ERC1: variants seen among roughly 807,000 people sequenced by gnomAD.
ERC1 encodes ELKS/RAB6-interacting/CAST family member 1.
A neutral mutation model predicts 132.0 loss-of-function variants in ERC1; 56 were observed. That is an observed-to-expected ratio of 0.42 (90% CI 0.34 to 0.53). ERC1 has a LOEUF of 0.53. ERC1 is among the 20% of genes least tolerant of loss of function. The pLI is 0.03. For synonymous variants in ERC1, 478 were observed against 476.1 expected (o/e 1.00, Z -0.05); for missense variants, 1,202 against 1,349.9 (o/e 0.89, Z 1.72).
Position 1,394,269 on chromosome 12 carries a change from G to A in ERC1, c.2926-13880G>A, listed in dbSNP as rs577721427. Among the ~76,000 whole-genome samples, 519 of 149,924 alleles carry A rather than the reference G, an allele frequency of 3.5e-3. 4 individuals carry two copies. The highest frequency in any genetic ancestry group is 0.011 in the African/African-American group (454 of 40,672). Reference sequence around the variant, plus strand: ...CAAAAAATTAGCCAGGCGTGGTGGCGGGCTCCTGTAGTCCCAGCTACTGGG... The same window carrying A: ...CAAAAAATTAGCCAGGCGTGGTGGCAGGCTCCTGTAGTCCCAGCTACTGGG... On this transcript the variant is annotated intron_variant, in intron 16 of 18. Transcript: ENST00000360905.
chr12:1,348,334 T>C (rs2084675697), intron 15 of ERC1, among the ~76,000 whole-genome samples: 1 of 152,216 alleles, frequency 6.6e-6, no homozygotes, highest in Admixed American at 6.5e-5. Flanking sequence ...TTAGGAAACT[T>C]AGTGAACCAT....
intron 3 of ERC1, among the ~76,000 whole-genome samples, chr12:1,102,706 G>T (rs574122617): frequency 6.6e-6 from 1 of 152,160 alleles, no homozygotes; most frequent in Non-Finnish European, 1.5e-5. Flanking sequence ...TTTGTGGAGC[G>T]TACATTCTCG....
chr12:1,306,321 G>A (rs1345177001), intron 15 of ERC1, among the ~76,000 whole-genome samples: 1 of 152,194 alleles, frequency 6.6e-6, no homozygotes, highest in African/African-American at 2.4e-5. Flanking sequence ...AGACCAGGTG[G>A]TATTAAAGGG....
At chr12:1,288,688 T>C (rs1260809457) in intron 14 of ERC1, among the ~76,000 whole-genome samples, 1 of 152,208 alleles carries the variant, frequency 6.6e-6, no homozygotes, top group East Asian at 1.9e-4. Flanking sequence ...AAATGGGGTT[T>C]ATGTAGGAGT....
chr12:1,130,479 G>A (rs1236054322), intron 7 of ERC1, among the ~76,000 whole-genome samples: 5 of 152,160 alleles, frequency 3.3e-5, no homozygotes, highest in Admixed American at 6.5e-5. Context: ...GAGGCCAAGA[G>A]TTCCTTGGGG....
At chr12:1,320,090 A>G (rs1425528009) in intron 15 of ERC1, among the ~76,000 whole-genome samples, 2 of 152,140 alleles carry the variant, frequency 1.3e-5, no homozygotes, top group African/African-American at 4.8e-5. Context: ...TAGATACTGC[A>G]TTATTTATTT....
At chr12:1,080,730 CAT>C (rs2154187723) in intron 2 of ERC1, among the ~76,000 whole-genome samples, 1 of 152,228 alleles carries the variant, frequency 6.6e-6, no homozygotes, top group Non-Finnish European at 1.5e-5. Flanking sequence ...CCTTTTGCCT[CAT>C]ACCGTGATTC....
intron 12 of ERC1, among the ~76,000 whole-genome samples, chr12:1,205,092 A>G (rs1404366266): frequency 6.6e-6 from 1 of 152,192 alleles, no homozygotes; most frequent in Admixed American, 6.5e-5. Context: ...GTTTCAGTTG[A>G]TCTTAGCAAC....
chr12:1,182,158 G>A lies in ERC1; in HGVS notation c.2016+93G>A, dbSNP rs1369052788. 61 of 1,233,078 alleles carry A rather than the reference G, an allele frequency of 4.9e-5. No homozygotes were observed. In the South Asian group the frequency reaches 5.3e-4, roughly 11 times the overall value. The allele number at this position is 1,233,078 out of a possible 1,614,324, so 76.4% of individuals were successfully genotyped here. On this transcript the variant is annotated intron_variant, in intron 10 of 18. Coordinates refer to ENST00000360905, the MANE Select transcript of ERC1 (RefSeq NM_178040.4). Reference sequence around the variant, plus strand: ...ACATAATGCATATAAAAAAGTATTCGATGGAAAATTTTCTTAATATTCTTT... The same window carrying A: ...ACATAATGCATATAAAAAAGTATTCAATGGAAAATTTTCTTAATATTCTTT...
chr12:1,390,715 G>A (rs1224907373), intron 16 of ERC1: 3 of 152,226 alleles, frequency 2.0e-5, no homozygotes, highest in Admixed American at 2.0e-4. Context: ...AATGAACCCA[G>A]TTGTGGATTC....
intron 2 of ERC1, among the ~76,000 whole-genome samples, chr12:1,074,542 C>T (rs566984419): frequency 6.6e-6 from 1 of 152,182 alleles, no homozygotes; most frequent in Admixed American, 6.5e-5. Flanking sequence ...GTGATCTACC[C>T]ACTTTGGCCT....
chr12:1,069,685 A>G (rs1939967310), intron 2 of ERC1, among the ~76,000 whole-genome samples: 1 of 152,220 alleles, frequency 6.6e-6, no homozygotes, highest in South Asian at 2.1e-4. Flanking sequence ...TATGTATACC[A>G]TTTATTGTAT....
chr12:1,132,097 T>C (rs1343839668), intron 7 of ERC1, among the ~76,000 whole-genome samples: 1 of 152,210 alleles, frequency 6.6e-6, no homozygotes, highest in African/African-American at 2.4e-5. Flanking sequence ...ACTACAAATT[T>C]AGTTCACTCC....
At chr12:1,277,687 G>A (rs796676207) in intron 14 of ERC1, among the ~76,000 whole-genome samples, 23 of 152,218 alleles carry the variant, frequency 1.5e-4, no homozygotes, top group South Asian at 4.1e-4. Flanking sequence ...AGAGTGTTAC[G>A]TTGGTAACAT....
chr12:1,071,932 C>A (rs575901719), intron 2 of ERC1, among the ~76,000 whole-genome samples: 190 of 152,132 alleles, frequency 1.2e-3, no homozygotes, highest in Admixed American at 2.4e-3. Context: ...GAAACCCTGT[C>A]TCTACTAAAA....
At chr12:1,352,395 G>A (rs2085082516) in intron 15 of ERC1, among the ~76,000 whole-genome samples, 1 of 152,180 alleles carries the variant, frequency 6.6e-6, no homozygotes, top group Non-Finnish European at 1.5e-5. Context: ...TGTATTGGGG[G>A]AATATGAGAA....
chr12:1,041,871 T>C (rs778565130), intron 2 of ERC1, among the ~76,000 whole-genome samples: 5 of 152,166 alleles, frequency 3.3e-5, no homozygotes, highest in African/African-American at 4.8e-5. Context: ...AGCCCTTATA[T>C]TGTAGTTGGC....
At chr12:1,104,383 G>C (rs780317356) in intron 3 of ERC1, among the ~76,000 whole-genome samples, 3 of 152,126 alleles carry the variant, frequency 2.0e-5, no homozygotes, top group African/African-American at 7.2e-5. Flanking sequence ...TTAAAAGGGA[G>C]CATTTCTAAT....
rs958214326 is a variant in ERC1, at chr12:1,139,326, G to A, written c.1570-2294G>A. On this transcript the variant is annotated intron_variant, in intron 7 of 18. Coordinates refer to ENST00000360905, the MANE Select transcript of ERC1 (RefSeq NM_178040.4). ...CTAGTAGCTGTCTCGTTATTAGATC[G>A]ACTGTTGCAGTGTCAGTGCTTGTGT... Among the ~76,000 whole-genome samples, 5 of 152,200 alleles carry A rather than the reference G, an allele frequency of 3.3e-5. No individual in the cohort carries two copies. The South Asian group carries it at 8.3e-4, about 25-fold the overall frequency.
Sources: gnomAD v4.1 joint callset for allele counts (sites outside exome capture counted in the v4.1 genomes callset) on GRCh38, gnomAD v4.1.1 for gene constraint, MANE v1.5 for transcripts, NCBI Gene and HGNC (gene_info 2026-07-23, HGNC 2026-07-21) for gene names.